Variants in SEC24A observed in about 807,000 individuals in gnomAD.
SEC24A encodes SEC24 homolog A, COPII component, also known as protein transport protein Sec24A.
SEC24A carries 93 observed loss-of-function variants against 129.4 expected under a neutral mutation model. The ratio of observed to expected loss-of-function variants is 0.72; its 90% CI spans 0.61 to 0.85. SEC24A has a LOEUF of 0.85. Ranked by LOEUF, SEC24A falls within the 40% of genes least tolerant of loss-of-function variation. The pLI, the probability that SEC24A is intolerant of heterozygous loss-of-function variation, is 0.00. For synonymous variants in SEC24A, 460 were observed against 467.3 expected (o/e 0.98, Z 0.20); for missense variants, 1,264 against 1,307.4 (o/e 0.97, Z 0.51).
intron 20 of SEC24A, among the ~76,000 whole-genome samples, chr5:134,720,238 A>G (rs567746736): frequency 6.6e-6 from 1 of 152,292 alleles, no homozygotes; most frequent in South Asian, 2.1e-4. Context: ...CCCTTCTGCC[A>G]TATTTTTACT....
chr5:134,680,827 C>T (rs1009712702), intron 8 of SEC24A, among the ~76,000 whole-genome samples: 2 of 152,168 alleles, frequency 1.3e-5, no homozygotes, highest in African/African-American at 2.4e-5. Flanking sequence ...TGGATGGGCA[C>T]GGTGGCTTAC....
At chr5:134,704,009 A>G (rs931031402) in intron 16 of SEC24A, 77 bp downstream of exon 16, 2 of 901,884 alleles carry the variant, frequency 2.2e-6, no homozygotes, top group African/African-American at 3.3e-5. Context: ...GGGCTATAAA[A>G]TACATGTAGC....
Position 134,726,817 on chromosome 5 carries a change from G to A in SEC24A, c.*1723G>A, listed in dbSNP as rs1214549292. The A allele has an allele frequency of 6.6e-6, 1 of 152,042 alleles. No homozygotes were observed. The highest frequency in any genetic ancestry group is 2.4e-5 in the African/African-American group (1 of 41,420). The allele number at this position is 152,042 out of a possible 1,614,324, so 9.4% of individuals were successfully genotyped here. ...TGATTTTAAATGGAGTTATTTGTAG[G>A]TCCTTTCTTAGTAGTAAAGAATCTT... On this transcript the variant is annotated 3_prime_UTR_variant, in exon 23 of 23. Coordinates refer to ENST00000398844, the MANE Select transcript of SEC24A (RefSeq NM_021982.3).
intron 3 of SEC24A, 109 bp downstream of exon 3, chr5:134,667,105 A>G (rs1750688269): frequency 1.0e-6 from 1 of 967,396 alleles, no homozygotes; most frequent in Non-Finnish European, 1.5e-6. Flanking sequence ...CAGAAAATCT[A>G]GTTTTGGTTA....
chr5:134,722,409 T>C (rs908034408), intron 21 of SEC24A, among the ~76,000 whole-genome samples: 1 of 151,636 alleles, frequency 6.6e-6, no homozygotes, highest in Non-Finnish European at 1.5e-5. Context: ...CTACTAAAAA[T>C]ACAAAATTAG....
At chr5:134,675,743 C>T (rs1223565123) in intron 6 of SEC24A, among the ~76,000 whole-genome samples, 2 of 152,118 alleles carry the variant, frequency 1.3e-5, no homozygotes, top group African/African-American at 2.4e-5. Context: ...CCAGTGTCAA[C>T]TAGACTTACA....
At chr5:134,705,281 T>G in intron 16 of SEC24A, 46 bp from the exon 17 acceptor site, 1 of 1,420,328 alleles carries the variant, frequency 7.0e-7, no homozygotes, top group African/African-American at 1.4e-5. Context: ...TAATCTTTTG[T>G]TTTATATAGT....
chr5:134,705,062 ATT>A, intron 16 of SEC24A, among the ~76,000 whole-genome samples: 1 of 127,144 alleles, frequency 7.9e-6, no homozygotes, highest in Non-Finnish European at 1.7e-5. Context: ...AGTTATTTAT[ATT>A]TATATTTATA....
intron 1 of SEC24A, among the ~76,000 whole-genome samples, chr5:134,650,992 G>A (rs1284521739): frequency 6.6e-6 from 1 of 151,586 alleles, no homozygotes; most frequent in East Asian, 1.9e-4. Context: ...TCAGGCTGAT[G>A]TCAAACTCCT....
intron 21 of SEC24A, among the ~76,000 whole-genome samples, chr5:134,721,392 T>C (rs1369564515): frequency 2.0e-5 from 3 of 151,244 alleles, no homozygotes; most frequent in Non-Finnish European, 4.4e-5. Context: ...GTGAACCCCC[T>C]TCTCTACTAA....
chr5:134,707,592 G>A (rs1688441051), intron 17 of SEC24A, among the ~76,000 whole-genome samples: 1 of 152,124 alleles, frequency 6.6e-6, no homozygotes, highest in African/African-American at 2.4e-5. Flanking sequence ...GCCTGCCAAA[G>A]TGCTGGGATT....
intron 16 of SEC24A, 142 bp from the exon 17 acceptor site, chr5:134,705,185 C>G (rs1169041519): frequency 2.1e-6 from 1 of 482,424 alleles, no homozygotes; most frequent in Non-Finnish European, 3.7e-6. Flanking sequence ...AAGGGATCCT[C>G]CTGTCTCTGC....
Position 134,718,062 on chromosome 5 carries a change from T to C in SEC24A, c.2866-7T>C, listed in dbSNP as rs756658000. The C allele has an allele frequency of 6.2e-7, 1 of 1,607,798 alleles. No individual in the cohort carries two copies. Among genetic ancestry groups the C allele is most frequent in the South Asian group, 1.1e-5 (1 of 90,914 alleles). On this transcript the variant is annotated splice_region_variant and splice_polypyrimidine_tract_variant and intron_variant, in intron 19 of 22. Transcript: ENST00000398844. ...TAAAACCTTTACTCTTTTACTTAAT[T>C]CCTCAGGGAGCACTCAACATCAGTG...
rs1487353475 is a variant in SEC24A, at chr5:134,693,762, G to A, written c.1815G>A (p.Met605Ile). The A allele has an allele frequency of 2.5e-6, 4 of 1,614,048 alleles. No homozygotes were observed. The highest frequency in any genetic ancestry group is 3.4e-6 in the Non-Finnish European group (4 of 1,179,982). Residue 605 changes from methionine (M) to isoleucine (I), a missense_variant, in exon 13 of 23, where the codon ATG becomes ATA. Physicochemically the swap from Met to Ile is conservative, Grantham distance 10. Coordinates refer to ENST00000398844, the MANE Select transcript of SEC24A (RefSeq NM_021982.3). ...ATTTACTGAAAACTTTGCCACAAAT[G>A]TTTACCAAGACTCTGGAGACCCAGA... The part of the protein sequence containing the change: ...VQDLLKTLPQ[M>I]FTKTLETQSA...
chr5:134,706,602 G>A (rs945156875), intron 17 of SEC24A, among the ~76,000 whole-genome samples: 1 of 151,552 alleles, frequency 6.6e-6, no homozygotes, highest in African/African-American at 2.4e-5. Flanking sequence ...TGGGCTCAAG[G>A]GATCCTCCCA....
intron 21 of SEC24A, among the ~76,000 whole-genome samples, chr5:134,722,362 C>T (rs1373958348): frequency 1.3e-5 from 2 of 151,940 alleles, no homozygotes; most frequent in Admixed American, 6.6e-5. Flanking sequence ...GTCAGGAGTT[C>T]GAGACCAGCC....
intron 15 of SEC24A, chr5:134,701,042 T>G (rs1751993068): frequency 6.6e-6 from 1 of 152,140 alleles, no homozygotes; most frequent in South Asian, 2.1e-4. Flanking sequence ...AGGTGGTGTT[T>G]CGCCATGTTG....
rs1429369613 is a variant in SEC24A at position 134,699,301 on chromosome 5, C to CGTTTTTTTTT, written c.2266+1244_2266+1245insGTTTTTTTTT. On this transcript the variant is annotated intron_variant, in intron 15 of 22. Transcript: ENST00000398844. ...ATAACATAAGCTTTACCATTTTATCCTTTTTTTTTTTTTGAGACGGACTGT... is the reference window on the plus strand; with the variant it reads ...ATAACATAAGCTTTACCATTTTATCCGTTTTTTTTTTTTTTTTTTTTTTGAGACGGACTGT... Among the ~76,000 whole-genome samples the CGTTTTTTTTT allele has an allele frequency of 5.9e-3, 810 of 138,340 alleles. 7 individuals are homozygous for CGTTTTTTTTT. Among genetic ancestry groups the CGTTTTTTTTT allele is most frequent in the Middle Eastern group, 0.024 (6 of 254 alleles). 90.8% of individuals were successfully genotyped at this position (138,340 alleles called of 152,430 possible). A position where few individuals can be genotyped will look rare whatever the true frequency, so the allele number is the denominator to read the frequency against.
At chr5:134,716,336 G>A (rs749270365) in intron 19 of SEC24A, among the ~76,000 whole-genome samples, 2 of 151,878 alleles carry the variant, frequency 1.3e-5, no homozygotes, top group African/African-American at 2.4e-5. Context: ...CAGCTCTGGT[G>A]GCGGGTGCCT....
Sources: allele counts gnomAD v4.1 joint callset (sites outside exome capture counted in the v4.1 genomes callset), GRCh38; gene constraint gnomAD v4.1.1; transcripts MANE v1.5; gene names NCBI Gene and HGNC (gene_info 2026-07-23, HGNC 2026-07-21).